FMO2: variants seen among roughly 807,000 people sequenced by gnomAD.
FMO2 encodes flavin containing dimethylaniline monoxygenase 2, also known as flavin-containing monooxygenase 2.
FMO2 carries 33 observed loss-of-function variants against 41.6 expected under a neutral mutation model. That is an observed-to-expected ratio of 0.79 (90% CI 0.60 to 1.06). FMO2 has a LOEUF of 1.06. FMO2 is among the 50% of genes least tolerant of loss of function. FMO2 has a pLI of 0.00. For synonymous variants in FMO2, 214 were observed against 219.6 expected, an observed-to-expected ratio of 0.97 and a Z score of 0.23; for missense variants, 619 against 632.9, an observed-to-expected ratio of 0.98 and a Z score of 0.23.
intron 5 of FMO2, among the ~76,000 whole-genome samples, chr1:171,200,669 G>A (rs1403503706): frequency 4.6e-5 from 7 of 152,106 alleles, no homozygotes; most frequent in South Asian, 2.1e-4. Context: ...GTGCCAGCCC[G>A]GGAACAGAGC....
rs1658723786 is a variant in FMO2 at position 171,205,518 on chromosome 1, T to C, written c.1067T>C (p.Ile356Thr). 5.0e-6 allele frequency: 8 copies of C among 1,613,760 alleles called. No individual in the cohort carries two copies. The highest frequency in any genetic ancestry group is 1.7e-5 in the Admixed American group (1 of 59,942). Residue 356 changes from isoleucine to threonine, a missense_variant, in exon 7 of 9, where the codon ATA (isoleucine) becomes ACA (threonine). By Grantham distance (89) the Ile-to-Thr change is moderately conservative (BLOSUM62 -1). Coordinates refer to ENST00000209929, the MANE Select transcript of FMO2 (RefSeq NM_001460.5). ...ENNMVSLYKY[I>T]FPAHLDKSTL... is the part of the protein sequence containing the mutation. ...AATATGGTCTCACTGTATAAATACA[T>C]ATTCCCCGCTCACCTGGACAAGTCA...
At position 171,196,720 on chromosome 1, in the gene FMO2, C is replaced by T; in HGVS notation, c.393C>T (p.Ser131=). The T allele has an allele frequency of 6.2e-7, 1 of 1,613,586 alleles. No individual in the cohort carries two copies. Among genetic ancestry groups the T allele is most frequent in the African/African-American group, 1.3e-5 (1 of 75,050 alleles). Residue 131 remains serine, a synonymous_variant, in exon 4 of 9, where the codon AGC becomes AGT. Coordinates refer to ENST00000209929, the MANE Select transcript of FMO2 (RefSeq NM_001460.5). The part of the protein sequence containing the change: ...SSGQWKVVTQ[S]NGKEQSAVFD... Reference sequence around the variant, plus strand: ...GCCAATGGAAGGTTGTCACTCAGAGCAACGGCAAGGAGCAGAGTGCTGTCT... The same window carrying T: ...GCCAATGGAAGGTTGTCACTCAGAGTAACGGCAAGGAGCAGAGTGCTGTCT...
chr1:171,191,291 T>C (rs906705110), intron 2 of FMO2, among the ~76,000 whole-genome samples: 1 of 152,194 alleles, frequency 6.6e-6, no homozygotes, highest in African/African-American at 2.4e-5. Flanking sequence ...ATCAAATCAG[T>C]TCTTCTCATC....
rs1658926694 is a variant in FMO2 at position 171,210,304 on chromosome 1, G to T, written c.*1159G>T. The T allele has an allele frequency of 6.6e-6, 1 of 152,150 alleles. No individual in the cohort carries two copies. Among genetic ancestry groups the T allele is most frequent in the Non-Finnish European group, 1.5e-5 (1 of 68,024 alleles). 9.4% of individuals were successfully genotyped at this position (152,150 alleles called of 1,614,324 possible). A position where few individuals can be genotyped will look rare whatever the true frequency, so the allele number is the denominator to read the frequency against. On this transcript the variant is annotated 3_prime_UTR_variant, in exon 9 of 9. Transcript: ENST00000209929. ...AAAATAAGAATTGAGGAAAAAAAGTGTATCTTTCAAGTAGATGCAAAGCAT... is the reference window on the plus strand; with the variant it reads ...AAAATAAGAATTGAGGAAAAAAAGTTTATCTTTCAAGTAGATGCAAAGCAT...
rs1009839421 is a variant in FMO2, at chr1:171,210,420, A to T, written c.*1275A>T. On this transcript the variant is annotated 3_prime_UTR_variant, in exon 9 of 9. Transcript: ENST00000209929. The stretch of plus-strand genomic sequence containing the variant: ...CAATATGTAACCTCTAACATTTGGT[A>T]AAAGGAAGTATACTGGTCTGTTAGC... 2 of 152,250 alleles carry T rather than the reference A, an allele frequency of 1.3e-5. No individual in the cohort carries two copies. The highest frequency in any genetic ancestry group is 6.5e-5 in the Admixed American group (1 of 15,280). 9.4% of individuals were successfully genotyped at this position (152,250 alleles called of 1,614,324 possible).
chr1:171,199,513 T>A, intron 5 of FMO2, 25 bp downstream of exon 5: 1 of 1,569,392 alleles, frequency 6.4e-7, no homozygotes, highest in Non-Finnish European at 8.6e-7. Flanking sequence ...GCTTACCATG[T>A]ACCTGGAGGG....
chr1:171,189,654 C>CTTTTT lies in FMO2; in HGVS notation c.133-3677_133-3676insTTTTT, dbSNP rs199536748. Among the ~76,000 whole-genome samples the CTTTTT allele has an allele frequency of 7.8e-4, 96 of 122,784 alleles. 12 individuals carry two copies. The highest frequency in any genetic ancestry group is 9.0e-3 in the Middle Eastern group (2 of 222). 80.6% of individuals were successfully genotyped at this position (122,784 alleles called of 152,430 possible). A position where few individuals can be genotyped will look rare whatever the true frequency, so the allele number is the denominator to read the frequency against. On this transcript the variant is annotated intron_variant, in intron 2 of 8. Coordinates refer to ENST00000209929, the MANE Select transcript of FMO2 (RefSeq NM_001460.5). ...ACAGAAATCTGAGCCCGTCTTTTTTCTTTTCTTTTTTTTTTTTTTTTTGAG... is the reference window on the plus strand; with the variant it reads ...ACAGAAATCTGAGCCCGTCTTTTTTCTTTTTTTTTCTTTTTTTTTTTTTTTTTGAG...
intron 2 of FMO2, among the ~76,000 whole-genome samples, chr1:171,187,559 C>T (rs1270457479): frequency 6.7e-6 from 1 of 149,652 alleles, no homozygotes; most frequent in Non-Finnish European, 1.5e-5. Context: ...TACTCTGTCA[C>T]CCAGGCTACC....
chr1:171,193,899 C>T (rs28369850), intron 3 of FMO2, among the ~76,000 whole-genome samples: 15,812 of 151,974 alleles, frequency 0.1, 1,492 homozygotes, highest in African/African-American at 0.26. Context: ...CCTGCCTCGG[C>T]CTCCAGAGTA....
At chr1:171,190,286 C>A (rs1169394437) in intron 2 of FMO2, among the ~76,000 whole-genome samples, 1 of 152,144 alleles carries the variant, frequency 6.6e-6, no homozygotes. Flanking sequence ...TAAGTGCTAT[C>A]TGAATTAACT....
intron 2 of FMO2, 55 bp downstream of exon 2, chr1:171,185,900 T>A (rs928919194): frequency 3.0e-5 from 46 of 1,556,866 alleles, no homozygotes; most frequent in Admixed American, 6.7e-5. Flanking sequence ...TCAGGGTGAA[T>A]CACAGTTACT....
chr1:171,189,654 C>CT (rs199536748), intron 2 of FMO2, among the ~76,000 whole-genome samples: 10,910 of 121,682 alleles, frequency 0.09, 1,021 homozygotes, highest in African/African-American at 0.24. Flanking sequence ...CGTCTTTTTT[C>CT]TTTTCTTTTT....
At chr1:171,199,605 C>T (rs1163778875) in intron 5 of FMO2, 117 bp downstream of exon 5, 2 of 917,692 alleles carry the variant, frequency 2.2e-6, no homozygotes, top group Admixed American at 5.6e-5. Flanking sequence ...GTTGGTAGCG[C>T]ATTGTGGCAT....
At position 171,211,391 on chromosome 1, in the gene FMO2, G is replaced by A. The variant is rs369819685; in HGVS notation, c.*2246G>A. Among the ~76,000 whole-genome samples, 2 of 152,202 alleles carry A rather than the reference G, an allele frequency of 1.3e-5. No homozygotes were observed. Among genetic ancestry groups the A allele is most frequent in the East Asian group, 3.9e-4 (2 of 5,182 alleles). On this transcript the variant is annotated 3_prime_UTR_variant, in exon 9 of 9. Coordinates refer to ENST00000209929, the MANE Select transcript of FMO2 (RefSeq NM_001460.5). ...TAATTCCTGCTTTATAATATGTAAG[G>A]CATTGTCCCATTTTGCATAACTTGC...
intron 5 of FMO2, 136 bp from the exon 6 acceptor site, chr1:171,203,729 A>G: frequency 1.4e-6 from 1 of 725,144 alleles, no homozygotes; most frequent in South Asian, 1.8e-5. Flanking sequence ...GAGGTACTTT[A>G]CATTGAGGTC....
At chr1:171,207,557 A>T in intron 7 of FMO2, 161 bp from the exon 8 acceptor site, 2 of 611,946 alleles carry the variant, frequency 3.3e-6, no homozygotes, top group Non-Finnish European at 5.9e-6. Flanking sequence ...AGTGTCACAT[A>T]GAGTGCTATG....
intron 5 of FMO2, among the ~76,000 whole-genome samples, chr1:171,200,765 T>G (rs1426550743): frequency 6.6e-6 from 1 of 152,118 alleles, no homozygotes; most frequent in Non-Finnish European, 1.5e-5. Context: ...ATCACCTCAG[T>G]GTGAAGAACA....
Position 171,211,630 on chromosome 1 carries a change from G to A in FMO2, c.*2485G>A, listed in dbSNP as rs1428593340. ...CTGGTATCTTTGAAAAATGTAAATAGTTTATTTATAGAGAACCCTACCTCT... is the reference window on the plus strand; with the variant it reads ...CTGGTATCTTTGAAAAATGTAAATAATTTATTTATAGAGAACCCTACCTCT... On this transcript the variant is annotated 3_prime_UTR_variant, in exon 9 of 9. Coordinates refer to ENST00000209929, the MANE Select transcript of FMO2 (RefSeq NM_001460.5). Among the ~76,000 whole-genome samples, 2 of 152,100 alleles carry A rather than the reference G, an allele frequency of 1.3e-5. No individual in the cohort carries two copies. The highest frequency in any genetic ancestry group is 2.9e-5 in the Non-Finnish European group (2 of 68,012).
chr1:171,211,839 G>T lies in FMO2; in HGVS notation c.*2694G>T, dbSNP rs1193669658. Reference sequence around the variant, plus strand: ...GTGAAGATTCCTGAATATAAACATAGTAATAATTCAACCTACTGAATGGAA... The same window carrying T: ...GTGAAGATTCCTGAATATAAACATATTAATAATTCAACCTACTGAATGGAA... On this transcript the variant is annotated 3_prime_UTR_variant, in exon 9 of 9. Coordinates refer to ENST00000209929, the MANE Select transcript of FMO2 (RefSeq NM_001460.5). Among the ~76,000 whole-genome samples the T allele has an allele frequency of 6.7e-6, 1 of 149,858 alleles. No individual in the cohort carries two copies. Among genetic ancestry groups the T allele is most frequent in the African/African-American group, 2.5e-5 (1 of 39,222 alleles).
Sources: allele counts gnomAD v4.1 joint callset (sites outside exome capture counted in the v4.1 genomes callset), GRCh38; gene constraint gnomAD v4.1.1; transcripts MANE v1.5; gene names NCBI Gene and HGNC (gene_info 2026-07-23, HGNC 2026-07-21).